Variants in BST1 observed in about 807,000 individuals in gnomAD.
BST1 encodes the protein ADP-ribosyl cyclase/cyclic ADP-ribose hydrolase 2.
A neutral mutation model predicts 40.6 loss-of-function variants in BST1; 49 were observed. That is an observed-to-expected ratio of 1.21 (90% CI 0.96 to 1.53). BST1 has a LOEUF of 1.53. Ranked by LOEUF, BST1 falls within the 40% of genes most tolerant of loss-of-function variation. The probability of loss-of-function intolerance (pLI) is 0.00; values close to 1 mark genes in which losing one functional copy is unlikely to be tolerated. For missense variants in BST1, 423 were observed against 395.9 expected (o/e 1.07, Z -0.58); for synonymous variants, 157 against 159.3 (o/e 0.99, Z 0.11).
intron 6 of BST1, among the ~76,000 whole-genome samples, chr4:15,717,416 A>G (rs1195668480): frequency 3.3e-5 from 5 of 152,122 alleles, no homozygotes; most frequent in African/African-American, 1.2e-4. Context: ...CCTAATAACC[A>G]CAGCTGGTGG....
the BST1 span, among the ~76,000 whole-genome samples, chr4:15,747,371 A>T: frequency 2.0e-5 from 3 of 151,802 alleles, no homozygotes; most frequent in Admixed American, 6.6e-5. Context: ...CCTTGCTGCC[A>T]CCAAGCCTCC....
At chr4:15,763,635 G>A in the BST1 span, among the ~76,000 whole-genome samples, 1 of 151,888 alleles carries the variant, frequency 6.6e-6, no homozygotes, top group South Asian at 2.1e-4. Context: ...ATTAGAGTAA[G>A]AAAAATTTAC....
chr4:15,705,293 T>G (rs1719816892), intron 1 of BST1, among the ~76,000 whole-genome samples: 1 of 152,014 alleles, frequency 6.6e-6, no homozygotes, highest in South Asian at 2.1e-4. Context: ...GCTGTATTCC[T>G]TAGCTCTGAG....
intron 1 of BST1, among the ~76,000 whole-genome samples, chr4:15,703,668 G>A (rs1373696226): frequency 6.9e-6 from 1 of 145,820 alleles, no homozygotes; most frequent in Non-Finnish European, 1.5e-5. Context: ...GGTGGGAGGT[G>A]TGTGTGTGCT....
chr4:15,739,696 G>T (rs1219885584), downstream of BST1, among the ~76,000 whole-genome samples: 1 of 152,012 alleles, frequency 6.6e-6, no homozygotes, highest in Non-Finnish European at 1.5e-5. Flanking sequence ...CTCTAAGATG[G>T]TGCTTGTAAA....
intron 5 of BST1, 89 bp from the exon 6 acceptor site, chr4:15,715,618 A>T (rs959013556): frequency 2.4e-5 from 24 of 1,000,600 alleles, no homozygotes; most frequent in Admixed American, 1.5e-4. Flanking sequence ...AAAGCTCTTT[A>T]TTTTTTTTTA....
downstream of BST1, among the ~76,000 whole-genome samples, chr4:15,740,116 C>A (rs1721708671): frequency 6.6e-6 from 1 of 152,136 alleles, no homozygotes; most frequent in Non-Finnish European, 1.5e-5. Context: ...TGCAGTGGCA[C>A]CGTCTCGTCT....
rs1348810266 is a variant in BST1 at position 15,703,167 on chromosome 4, C to T, written c.23C>T (p.Ala8Val). MAAQGCA[A>V]SRLLQLLLQL... ...CCGATGGCGGCCCAGGGGTGCGCGG[C>T]ATCGCGGCTGCTCCAGCTGCTGCTG... is the stretch of plus-strand genomic sequence containing the variant. The change falls in exon 1 of 9, where the codon GCA becomes GTA. Residue 8 changes from alanine (A) to valine (V), a missense_variant. Coordinates refer to ENST00000265016, the MANE Select transcript of BST1 (RefSeq NM_004334.3). The T allele has an allele frequency of 3.2e-6, 5 of 1,568,954 alleles. No individual in the cohort carries two copies. The highest frequency in any genetic ancestry group is 3.5e-6 in the Non-Finnish European group (4 of 1,158,968).
At chr4:15,760,807 G>A in the BST1 span, among the ~76,000 whole-genome samples, 1 of 150,710 alleles carries the variant, frequency 6.6e-6, no homozygotes, top group Admixed American at 6.6e-5. Flanking sequence ...TCCTACTTCA[G>A]CCTCATGAGT....
the BST1 span, among the ~76,000 whole-genome samples, chr4:15,757,193 C>T: frequency 1.3e-5 from 2 of 152,206 alleles, no homozygotes; most frequent in African/African-American, 4.8e-5. Context: ...CTTTCTGTAG[C>T]TCAGGCTGCT....
At chr4:15,708,030 T>C (rs1448917482) in intron 3 of BST1, among the ~76,000 whole-genome samples, 80 of 152,212 alleles carry the variant, frequency 5.3e-4, no homozygotes, top group Non-Finnish European at 8.8e-5. Context: ...TTAAGAAATC[T>C]GCTCAGGGGG....
At position 15,715,266 on chromosome 4, in the gene BST1, TACTTG is replaced by T; in HGVS notation, c.535-18_535-14del. 2.5e-6 allele frequency: 4 copies of T among 1,611,642 alleles called. No individual in the cohort carries two copies. Among genetic ancestry groups the T allele is most frequent in the Non-Finnish European group, 3.4e-6 (4 of 1,178,178 alleles). On this transcript the variant is annotated splice_polypyrimidine_tract_variant and intron_variant, in intron 4 of 8. Transcript: ENST00000265016. ...ATGTCACGTCTTTATTTGCTAAAAATACTTGGTTCTTCTCGTAGTATTCCAAGGAT... is the reference window on the plus strand; with the variant it reads ...ATGTCACGTCTTTATTTGCTAAAAATGTTCTTCTCGTAGTATTCCAAGGAT...
rs189038402 is a variant in BST1, at chr4:15,728,189, G to A, written c.852-3551G>A. Among the ~76,000 whole-genome samples the A allele has an allele frequency of 7.8e-3, 1,194 of 152,174 alleles. 7 individuals are homozygous for A. The highest frequency in any genetic ancestry group is 0.012 in the Non-Finnish European group (849 of 68,016). ...TATCCTAAATGCCCCAGGCCACAGA[G>A]ACAGGACTACTCATCTCTACTTGTT... is the stretch of plus-strand genomic sequence containing the variant. On this transcript the variant is annotated intron_variant, in intron 8 of 8. Transcript: ENST00000265016.
chr4:15,719,084 C>A (rs1720666253), intron 7 of BST1, 91 bp downstream of exon 7: 4 of 1,081,878 alleles, frequency 3.7e-6, no homozygotes, highest in Admixed American at 2.5e-5. Flanking sequence ...TGGCTCTCAG[C>A]TCTGAAGGCC....
chr4:15,767,802 G>A, the BST1 span, among the ~76,000 whole-genome samples: 1 of 150,918 alleles, frequency 6.6e-6, no homozygotes, highest in East Asian at 1.9e-4. Flanking sequence ...TTTATTTTTA[G>A]TAGAGATGGA....
chr4:15,707,361 TAA>T, intron 2 of BST1, 148 bp from the exon 3 acceptor site: 1 of 838,854 alleles, frequency 1.2e-6, no homozygotes, highest in Non-Finnish European at 2.0e-6. Context: ...AATGAATAAA[TAA>T]AGACAACGAA....
intron 4 of BST1, among the ~76,000 whole-genome samples, chr4:15,713,230 G>A (rs1374147495): frequency 9.7e-6 from 1 of 102,746 alleles, no homozygotes; most frequent in Non-Finnish European, 1.9e-5. Flanking sequence ...TTTTTTTTGA[G>A]ACGGAGTCTC....
At chr4:15,706,087 G>A (rs1196759742) in intron 2 of BST1, among the ~76,000 whole-genome samples, 1 of 152,132 alleles carries the variant, frequency 6.6e-6, no homozygotes, top group Admixed American at 6.5e-5. Flanking sequence ...CAGCAGCAAA[G>A]GGGGAAATCC....
the BST1 span, among the ~76,000 whole-genome samples, chr4:15,765,162 T>C: frequency 6.6e-6 from 1 of 151,966 alleles, no homozygotes; most frequent in Non-Finnish European, 1.5e-5. Flanking sequence ...AACTGGCATC[T>C]TAAACTTGAC....
Sources: allele counts gnomAD v4.1 joint callset (sites outside exome capture counted in the v4.1 genomes callset), GRCh38; gene constraint gnomAD v4.1.1; transcripts MANE v1.5; gene names NCBI Gene and HGNC (gene_info 2026-07-23, HGNC 2026-07-21).